The following ERC2 variants were observed in gnomAD, a reference collection of about 807,000 sequenced individuals.
The protein encoded by ERC2 is ELKS/RAB6-interacting/CAST family member 2.
Under a neutral mutation model 114.8 loss-of-function variants are expected in ERC2, and 42 were observed. That is an observed-to-expected ratio of 0.37 (90% CI 0.29 to 0.47). ERC2 has a LOEUF of 0.47. Among genes scored for constraint, ERC2 ranks in the 20% least tolerant of loss-of-function variants. ERC2 has a pLI of 0.99. For synonymous variants in ERC2, 454 were observed against 425.5 expected (o/e 1.07, Z -0.82); for missense variants, 939 against 1,150.7 (o/e 0.82, Z 2.66).
At chr3:56,051,617 C>T (rs1440378354) in intron 7 of ERC2, among the ~76,000 whole-genome samples, 1 of 152,102 alleles carries the variant, frequency 6.6e-6, no homozygotes, top group East Asian at 1.9e-4. Flanking sequence ...AAACAGGACA[C>T]TGACTTCCAT....
chr3:56,151,558 G>T (rs184419282), intron 4 of ERC2, among the ~76,000 whole-genome samples: 155 of 152,258 alleles, frequency 1.0e-3, no homozygotes, highest in African/African-American at 3.4e-3. Context: ...ACCAGAGAAG[G>T]ACAGAGGGAA....
chr3:56,184,940 T>C (rs2083499396), intron 3 of ERC2, among the ~76,000 whole-genome samples: 1 of 152,200 alleles, frequency 6.6e-6, no homozygotes, highest in African/African-American at 2.4e-5. Context: ...TTGGACTCCA[T>C]TTCTGAGCTA....
At chr3:56,311,253 CTCTATATATATATA>C (rs1489391885) in intron 2 of ERC2, among the ~76,000 whole-genome samples, 2 of 43,530 alleles carry the variant, frequency 4.6e-5, no homozygotes, top group African/African-American at 7.2e-5. Context: ...CTCTCTCTCT[CTCTATATATATATA>C]TATATATATA....
At chr3:56,356,705 A>G (rs2058758016) in intron 2 of ERC2, among the ~76,000 whole-genome samples, 1 of 152,168 alleles carries the variant, frequency 6.6e-6, no homozygotes, top group Non-Finnish European at 1.5e-5. Flanking sequence ...AACCTCCTCT[A>G]AGAAGCTAAC....
chr3:55,526,510 G>A (rs916476304), intron 17 of ERC2, among the ~76,000 whole-genome samples: 5 of 152,176 alleles, frequency 3.3e-5, no homozygotes, highest in African/African-American at 1.2e-4. Context: ...TGTGCTCAAA[G>A]GCCCGCGTCG....
At chr3:55,524,171 TC>T (rs1423608711) in intron 17 of ERC2, among the ~76,000 whole-genome samples, 1 of 152,068 alleles carries the variant, frequency 6.6e-6, no homozygotes, top group African/African-American at 2.4e-5. Context: ...CCTTATTATC[TC>T]CCCCTCTATA....
chr3:55,838,187 T>C (rs1559741184), intron 14 of ERC2, among the ~76,000 whole-genome samples: 1 of 152,058 alleles, frequency 6.6e-6, no homozygotes, highest in Non-Finnish European at 1.5e-5. Flanking sequence ...ATAGAAGATC[T>C]GTGCATTATT....
At chr3:55,707,275 A>C (rs763370995) in intron 15 of ERC2, among the ~76,000 whole-genome samples, 16 of 152,134 alleles carry the variant, frequency 1.1e-4, no homozygotes, top group Non-Finnish European at 1.9e-4. Context: ...GTCTACAAAA[A>C]CAAAATACAA....
At position 55,926,955 on chromosome 3, in the gene ERC2, T is replaced by A. The variant is rs1389354862; in HGVS notation, c.2403+23470A>T. Among the ~76,000 whole-genome samples the A allele has an allele frequency of 4.6e-5, 7 of 152,176 alleles. No homozygotes were observed. In the East Asian group the frequency reaches 5.8e-4, roughly 13 times the overall value. On this transcript the variant is annotated intron_variant, in intron 13 of 17. Transcript: ENST00000288221. ...TCAAGTAACTTCCAAAGGCTTTTTT[T>A]AATTCATTTGTTTTTGTGCAGTTAG...
chr3:55,954,241 T>A (rs1182592445), intron 12 of ERC2, among the ~76,000 whole-genome samples: 1 of 152,078 alleles, frequency 6.6e-6, no homozygotes, highest in African/African-American at 2.4e-5. Flanking sequence ...AGTGGTAAGG[T>A]TAGTTTTCAA....
chr3:56,251,539 C>T (rs1312582776), intron 3 of ERC2, among the ~76,000 whole-genome samples: 1 of 152,106 alleles, frequency 6.6e-6, no homozygotes, highest in Non-Finnish European at 1.5e-5. Flanking sequence ...TTCAAGGCTG[C>T]CATCTAGTGG....
At chr3:56,334,567 T>C (rs1246927828) in intron 2 of ERC2, among the ~76,000 whole-genome samples, 5 of 152,290 alleles carry the variant, frequency 3.3e-5, no homozygotes, top group Admixed American at 6.5e-5. Flanking sequence ...CATATAATAT[T>C]AAATTAGAAT....
At chr3:56,248,697 A>C (rs2051896889) in intron 3 of ERC2, among the ~76,000 whole-genome samples, 1 of 152,216 alleles carries the variant, frequency 6.6e-6, no homozygotes, top group Non-Finnish European at 1.5e-5. Context: ...AAACACAATA[A>C]AGTACATTCC....
chr3:55,759,728 T>C (rs982947733), intron 14 of ERC2, among the ~76,000 whole-genome samples: 2 of 152,220 alleles, frequency 1.3e-5, no homozygotes, highest in Non-Finnish European at 2.9e-5. Context: ...TAGTTAATTT[T>C]ACAGCTGCAC....
chr3:56,461,450 G>T (rs548157384), intron 1 of ERC2, among the ~76,000 whole-genome samples: 1 of 152,156 alleles, frequency 6.6e-6, no homozygotes, highest in Admixed American at 6.5e-5. Context: ...ACACATTTCC[G>T]TAATCATTGC....
intron 17 of ERC2, among the ~76,000 whole-genome samples, chr3:55,557,619 T>C (rs2055709589): frequency 6.6e-6 from 1 of 152,254 alleles, no homozygotes; most frequent in African/African-American, 2.4e-5. Context: ...CTCCAAAGTC[T>C]GCTTCCAGCA....
At chr3:55,548,402 C>A (rs1458673334) in intron 17 of ERC2, among the ~76,000 whole-genome samples, 1 of 152,220 alleles carries the variant, frequency 6.6e-6, no homozygotes, top group Non-Finnish European at 1.5e-5. Flanking sequence ...AATAGTGTGG[C>A]TTGATCTGGG....
chr3:55,767,410 C>T (rs72875444), intron 14 of ERC2, among the ~76,000 whole-genome samples: 6,157 of 152,186 alleles, frequency 0.04, 396 homozygotes, highest in African/African-American at 0.14. Flanking sequence ...TTCCACTGGC[C>T]GTCTTAACTG....
At chr3:56,101,601 G>A (rs768289932) in intron 6 of ERC2, among the ~76,000 whole-genome samples, 15 of 152,138 alleles carry the variant, frequency 9.9e-5, no homozygotes, top group Non-Finnish European at 1.6e-4. Context: ...AAAATCAACC[G>A]GGCCTCCCCA....
Sources: gnomAD v4.1 joint callset for allele counts (sites outside exome capture counted in the v4.1 genomes callset) on GRCh38, gnomAD v4.1.1 for gene constraint, MANE v1.5 for transcripts, NCBI Gene and HGNC (gene_info 2026-07-23, HGNC 2026-07-21) for gene names.